Variants in CLK4 observed in about 807,000 individuals in gnomAD.
The protein encoded by CLK4 is CDC like kinase 4.
In CLK4, 37 loss-of-function variants were observed where a neutral mutation model predicts 64.4. The observed-to-expected ratio is 0.57, with a 90% CI of 0.44 to 0.76. The LOEUF (loss-of-function observed/expected upper bound fraction) is 0.76, where lower values mean the gene tolerates loss of function less well. CLK4 is among the 30% of genes least tolerant of loss of function. The probability of loss-of-function intolerance (pLI) is 0.00; values close to 1 mark genes in which losing one functional copy is unlikely to be tolerated. For synonymous variants in CLK4, 175 were observed against 191.6 expected (o/e 0.91, Z 0.72); for missense variants, 457 against 605.1 (o/e 0.76, Z 2.57).
At chr5:178,626,441 G>A (rs1049763500) in intron 1 of CLK4, among the ~76,000 whole-genome samples, 3 of 152,194 alleles carry the variant, frequency 2.0e-5, no homozygotes, top group African/African-American at 7.2e-5. Context: ...ACGGACGCCC[G>A]GTCCCCACCT....
chr5:178,603,592 T>TA lies in CLK4; in HGVS notation c.*24dup, dbSNP rs1303697915. 1 of 1,515,128 alleles carries TA rather than the reference T, an allele frequency of 6.6e-7. No homozygotes were observed. The allele number at this position is 1,515,128 out of a possible 1,614,324, so 93.9% of individuals were successfully genotyped here. On this transcript the variant is annotated 3_prime_UTR_variant, in exon 13 of 13. Transcript: ENST00000316308. ...TTAAGTAATCTCTTCTAGAGAAGTA[T>TA]ATAGTAAGACCACTGATTCCCATTT...
intron 1 of CLK4, among the ~76,000 whole-genome samples, chr5:178,625,864 A>G (rs1334336597): frequency 2.0e-5 from 3 of 152,240 alleles, no homozygotes; most frequent in Admixed American, 6.5e-5. Flanking sequence ...AAAATATTTT[A>G]TCTGGAGGCA....
chr5:178,603,015 T>G lies in CLK4; in HGVS notation c.*602A>C, dbSNP rs1410083479. On this transcript the variant is annotated 3_prime_UTR_variant, in exon 13 of 13. Transcript: ENST00000316308. ...AAATAAAGTGTGTATGTGGTTTTATTAAACAAACTGTCACAATGGACAAAC... is the reference window on the plus strand; with the variant it reads ...AAATAAAGTGTGTATGTGGTTTTATGAAACAAACTGTCACAATGGACAAAC... 6.6e-6 allele frequency: 1 copy of G among 152,326 alleles called. No homozygotes were observed. Among genetic ancestry groups the G allele is most frequent in the African/African-American group, 2.4e-5 (1 of 41,434 alleles). 9.4% of individuals were successfully genotyped at this position (152,326 alleles called of 1,614,324 possible).
intron 10 of CLK4, among the ~76,000 whole-genome samples, chr5:178,606,052 G>A (rs1764463393): frequency 1.3e-5 from 2 of 152,332 alleles, no homozygotes; most frequent in South Asian, 4.1e-4. Flanking sequence ...ATCAACTACT[G>A]TGCCTTGCAT....
chr5:178,619,797 A>T (rs1764680227), intron 2 of CLK4: 2 of 1,289,282 alleles, frequency 1.6e-6, no homozygotes, highest in African/African-American at 3.0e-5. Context: ...AAAGAAAAGG[A>T]CATAGATTCA....
In CLK4 at chr5:178,617,109, C is replaced by G; in HGVS notation, c.476-161G>C. On this transcript the variant is annotated intron_variant, in intron 4 of 12. Transcript: ENST00000316308. This position sits in a 1 kb window ranked among gnomAD's most constrained non-coding sequence, Gnocchi z 5.2. ...ATTTTAGTTTCAGCTGCTACAAAAA[C>G]AATTAGATAGAGCTATCTTTCTTGC... 4 of 652,704 alleles carry G rather than the reference C, an allele frequency of 6.1e-6. No individual in the cohort carries two copies. Among genetic ancestry groups the G allele is most frequent in the Non-Finnish European group, 1.1e-5 (4 of 370,736 alleles). 40.4% of individuals were successfully genotyped at this position (652,704 alleles called of 1,614,324 possible). A position where few individuals can be genotyped will look rare whatever the true frequency, so the allele number is the denominator to read the frequency against.
chr5:178,610,825 A>C (rs903963162), intron 9 of CLK4, among the ~76,000 whole-genome samples: 5 of 152,050 alleles, frequency 3.3e-5, no homozygotes, highest in African/African-American at 1.2e-4. Flanking sequence ...TAATCCAAGC[A>C]CTTTGGGAGG....
At chr5:178,626,244 G>C (rs1224626299) in intron 1 of CLK4, among the ~76,000 whole-genome samples, 2 of 152,172 alleles carry the variant, frequency 1.3e-5, no homozygotes, top group Non-Finnish European at 2.9e-5. Flanking sequence ...TTCAGTTTGC[G>C]GGGCGGTTTC....
chr5:178,620,866 A>G (rs552480586), intron 2 of CLK4, among the ~76,000 whole-genome samples: 2 of 152,244 alleles, frequency 1.3e-5, no homozygotes, highest in Non-Finnish European at 2.9e-5. Flanking sequence ...ATAATTACAA[A>G]AAAGATGGAA....
At chr5:178,622,317 T>TTTG in intron 2 of CLK4, 1 of 505,358 alleles carries the variant, frequency 2.0e-6, no homozygotes, top group Non-Finnish European at 2.6e-6. Flanking sequence ...TGAAGCATGA[T>TTTG]TTGTCTGCAC....
chr5:178,616,743 C>T (rs1219612290), intron 5 of CLK4, 139 bp downstream of exon 5: 2 of 625,334 alleles, frequency 3.2e-6, no homozygotes, highest in Admixed American at 3.1e-5. Context: ...TTGCAGTGAG[C>T]CAAGATAGCA....
rs538140369 is a variant in CLK4 at position 178,605,555 on chromosome 5, C to A, written c.1135-173G>T. Among the ~76,000 whole-genome samples the A allele has an allele frequency of 8.4e-4, 128 of 152,294 alleles. No homozygotes were observed. The highest frequency in any genetic ancestry group is 1.2e-3 in the South Asian group (6 of 4,824). ...CTCCTCATTTAATCAGCTGCTTAAC[C>A]AAAATTAACATCCAGTACCCAATGA... On this transcript the variant is annotated intron_variant, in intron 10 of 12. Transcript: ENST00000316308.
At position 178,617,440 on chromosome 5, in the gene CLK4, A is replaced by G; in HGVS notation, c.385-6T>C. 1 of 1,611,092 alleles carries G rather than the reference A, an allele frequency of 6.2e-7. No individual in the cohort carries two copies. Among genetic ancestry groups the G allele is most frequent in the South Asian group, 1.1e-5 (1 of 90,980 alleles). ...CTTTTCCTTCGGTGGCTCTTCTGGA[A>G]CGGCAAGTGGGCAGCACCAAGATCG... On this transcript the variant is annotated splice_polypyrimidine_tract_variant and splice_region_variant and intron_variant, in intron 3 of 12. Transcript: ENST00000316308. The surrounding 1 kb of genome is among the most constrained non-coding windows in gnomAD (Gnocchi z 5.2).
intron 9 of CLK4, among the ~76,000 whole-genome samples, chr5:178,609,634 G>A (rs1268287369): frequency 6.6e-6 from 1 of 151,884 alleles, no homozygotes; most frequent in East Asian, 1.9e-4. Flanking sequence ...AGTAAGCTGA[G>A]ATTGCGCCAC....
chr5:178,620,684 TA>T (rs759299338), intron 2 of CLK4: 3,399 of 350,016 alleles, frequency 9.7e-3, no homozygotes, highest in South Asian at 0.013. Flanking sequence ...CTGTGGGAGA[TA>T]AAAAAAAAAT....
intron 11 of CLK4, 102 bp downstream of exon 11, chr5:178,605,201 C>T (rs756796951): frequency 2.4e-5 from 12 of 508,026 alleles, no homozygotes; most frequent in Non-Finnish European, 3.5e-5. Context: ...AAGTCAAAAT[C>T]TATAGTCCTT....
At chr5:178,622,394 GT>G in intron 2 of CLK4, 1 of 983,500 alleles carries the variant, frequency 1.0e-6, no homozygotes. Context: ...ATTACATACT[GT>G]TTTTTAAAGT....
intron 12 of CLK4, 34 bp downstream of exon 12, chr5:178,603,810 T>C (rs1405729155): frequency 6.3e-7 from 1 of 1,586,506 alleles, no homozygotes; most frequent in Non-Finnish European, 8.5e-7. Flanking sequence ...TGCAAACACG[T>C]GGTTTATTTA....
At chr5:178,625,601 A>G (rs1040308111) in intron 1 of CLK4, among the ~76,000 whole-genome samples, 8 of 152,148 alleles carry the variant, frequency 5.3e-5, no homozygotes, top group Non-Finnish European at 8.8e-5. Context: ...ATGACCCTCC[A>G]TTACTATGAA....
Sources: allele counts gnomAD v4.1 joint callset (sites outside exome capture counted in the v4.1 genomes callset), GRCh38; gene constraint gnomAD v4.1.1; non-coding constraint Gnocchi (gnomAD v3.1); transcripts MANE v1.5; gene names NCBI Gene and HGNC (gene_info 2026-07-23, HGNC 2026-07-21).